TDRD12: variants seen among roughly 807,000 people sequenced by gnomAD.
The protein encoded by TDRD12 is putative ATP-dependent RNA helicase TDRD12.
Under a neutral mutation model 133.5 loss-of-function variants are expected in TDRD12, and 158 were observed. That is an observed-to-expected ratio of 1.18 (90% CI 1.04 to 1.35). TDRD12 has a LOEUF of 1.35. Ranked by LOEUF, TDRD12 falls within the 40% of genes most tolerant of loss-of-function variation. TDRD12 has a pLI of 0.00. For synonymous variants in TDRD12, 460 were observed against 477.9 expected, an observed-to-expected ratio of 0.96 and a Z score of 0.49; for missense variants, 1,443 against 1,321.3, an observed-to-expected ratio of 1.09 and a Z score of -1.43.
chr19:32,724,782 A>G (rs1292078675), intron 1 of TDRD12, among the ~76,000 whole-genome samples: 1 of 152,146 alleles, frequency 6.6e-6, no homozygotes, highest in Admixed American at 6.6e-5. Context: ...TCTTTGAGGA[A>G]TCACCACACT....
intron 11 of TDRD12, among the ~76,000 whole-genome samples, chr19:32,781,967 T>TTTC (rs35515611): frequency 0.48 from 72,381 of 150,426 alleles, 18,986 homozygotes; most frequent in East Asian, 0.73. Flanking sequence ...AAAATATATT[T>TTTC]TTCTTTTTTT....
At chr19:32,819,720 T>A (rs1967314033) in intron 27 of TDRD12, among the ~76,000 whole-genome samples, 2 of 152,164 alleles carry the variant, frequency 1.3e-5, no homozygotes, top group Admixed American at 6.5e-5. Flanking sequence ...GAACAGGGGA[T>A]CCTGACAGGT....
At chr19:32,725,268 T>A (rs1968821031) in intron 1 of TDRD12, among the ~76,000 whole-genome samples, 1 of 152,152 alleles carries the variant, frequency 6.6e-6, no homozygotes, top group Admixed American at 6.5e-5. Context: ...GATGTTTTTG[T>A]CATGAAATCG....
intron 5 of TDRD12, 24 bp from the exon 6 acceptor site, chr19:32,749,760 T>G: frequency 6.7e-7 from 1 of 1,484,546 alleles, no homozygotes; most frequent in Non-Finnish European, 9.2e-7. Context: ...TCAGCTGATT[T>G]GTGTTTTCAT....
At chr19:32,789,161 T>A (rs1391170399) in intron 11 of TDRD12, among the ~76,000 whole-genome samples, 1 of 152,138 alleles carries the variant, frequency 6.6e-6, no homozygotes, top group Admixed American at 6.5e-5. Flanking sequence ...CCCTAATTCC[T>A]AAGCTTTCTG....
intron 14 of TDRD12, among the ~76,000 whole-genome samples, chr19:32,795,740 G>A (rs891650242): frequency 6.6e-6 from 1 of 152,208 alleles, no homozygotes; most frequent in Non-Finnish European, 1.5e-5. Context: ...GCAGGCTGGA[G>A]CGGAAGCATG....
At chr19:32,801,579 C>T (rs1005519568) in intron 18 of TDRD12, among the ~76,000 whole-genome samples, 177 bp from the exon 19 acceptor site, 8 of 152,172 alleles carry the variant, frequency 5.3e-5, no homozygotes, top group Admixed American at 6.5e-5. Flanking sequence ...CATAAACAAC[C>T]GAATTTTGGA....
intron 16 of TDRD12, among the ~76,000 whole-genome samples, chr19:32,799,859 C>T (rs1045521192): frequency 2.6e-5 from 4 of 151,136 alleles, no homozygotes; most frequent in African/African-American, 7.3e-5. Context: ...CTCAGCCTCC[C>T]GAGTAGCTGG....
At chr19:32,739,612 G>GCT (rs1301717857) in intron 3 of TDRD12, among the ~76,000 whole-genome samples, 66 of 147,528 alleles carry the variant, frequency 4.5e-4, no homozygotes, top group African/African-American at 1.6e-3. Flanking sequence ...GCATCTCCTG[G>GCT]GTGCTGTCTG....
intron 1 of TDRD12, among the ~76,000 whole-genome samples, chr19:32,729,746 G>A (rs1244229565): frequency 6.8e-6 from 1 of 147,706 alleles, no homozygotes; most frequent in Non-Finnish European, 1.5e-5. Context: ...GGGTATCTTG[G>A]GTTCACTTTC....
intron 4 of TDRD12, among the ~76,000 whole-genome samples, chr19:32,745,670 TGA>T (rs1288374671): frequency 1.4e-5 from 2 of 139,092 alleles, no homozygotes; most frequent in Admixed American, 6.9e-5. Flanking sequence ...TCTGTGTGTG[TGA>T]GAGAGAGGGA....
intron 21 of TDRD12, among the ~76,000 whole-genome samples, 172 bp downstream of exon 21, chr19:32,803,314 C>A (rs1462649085): frequency 2.0e-5 from 3 of 152,190 alleles, no homozygotes. Flanking sequence ...GCAGGGCTGT[C>A]AGTGTTGATT....
chr19:32,826,449 T>G, exon 9 of TDRD12: 1 of 1,248,454 alleles, frequency 8.0e-7, no homozygotes, highest in Non-Finnish European at 1.0e-6. Flanking sequence ...ACCCAGTGCT[T>G]GGGTGGGAGA....
exon 10 of TDRD12, chr19:32,827,372 C>CTTTTCTTTTCTTTTTTTTTTTTTT (rs61327156): frequency 5.9e-5 from 7 of 119,002 alleles, no homozygotes; most frequent in African/African-American, 2.1e-4. Flanking sequence ...CTTTTCTTTT[C>CTTTTCTTTTCTTTTTTTTTTTTTT]TTTTTTTTTT....
chr19:32,761,548 G>A (rs1412413085), intron 8 of TDRD12, among the ~76,000 whole-genome samples: 2 of 152,106 alleles, frequency 1.3e-5, no homozygotes, highest in Non-Finnish European at 2.9e-5. Flanking sequence ...CTGGATTTTG[G>A]TCATTCTAAT....
intron 21 of TDRD12, among the ~76,000 whole-genome samples, chr19:32,806,554 C>A (rs1461416939): frequency 6.6e-6 from 1 of 152,080 alleles, no homozygotes; most frequent in Non-Finnish European, 1.5e-5. Flanking sequence ...GTTGGCCATG[C>A]TGGTCTCAAA....
chr19:32,766,478 T>C (rs1970299383), intron 8 of TDRD12, among the ~76,000 whole-genome samples: 2 of 152,224 alleles, frequency 1.3e-5, no homozygotes, highest in Admixed American at 1.3e-4. Flanking sequence ...ATTGATATTG[T>C]TGGCTCTTAA....
chr19:32,793,408 G>T (rs1971127106), intron 13 of TDRD12, among the ~76,000 whole-genome samples: 1 of 152,132 alleles, frequency 6.6e-6, no homozygotes, highest in South Asian at 2.1e-4. Context: ...ACATGGGTTT[G>T]CAGACAAAAG....
At chr19:32,764,994 C>T (rs1276921519) in intron 8 of TDRD12, among the ~76,000 whole-genome samples, 1 of 152,116 alleles carries the variant, frequency 6.6e-6, no homozygotes, top group African/African-American at 2.4e-5. Flanking sequence ...ACTCATCTGA[C>T]AAAGGGCTAA....
Sources: gnomAD v4.1 joint callset for allele counts (sites outside exome capture counted in the v4.1 genomes callset) on GRCh38, gnomAD v4.1.1 for gene constraint, MANE v1.5 for transcripts, NCBI Gene and HGNC (gene_info 2026-07-23, HGNC 2026-07-21) for gene names.